Variants in BMP6 observed in about 807,000 individuals in gnomAD.
BMP6 encodes the protein VG-1-R.
BMP6 carries 17 observed loss-of-function variants against 54.1 expected under a neutral mutation model. The observed-to-expected ratio is 0.31, with a 90% confidence interval of 0.22 to 0.47. BMP6 has a LOEUF of 0.47. Among genes scored for constraint, BMP6 ranks in the 20% least tolerant of loss-of-function variants. BMP6 has a pLI of 1.00. For synonymous variants in BMP6, 328 were observed against 291.2 expected (o/e 1.13, Z -1.28); for missense variants, 720 against 690.4 (o/e 1.04, Z -0.48).
At chr6:7,761,920 C>T (rs1010182862) in intron 1 of BMP6, among the ~76,000 whole-genome samples, 11 of 151,996 alleles carry the variant, frequency 7.2e-5, no homozygotes, top group African/African-American at 1.4e-4. Context: ...TTTTTTGAGA[C>T]GGAGTCTGAC....
At position 7,754,712 on chromosome 6, in the gene BMP6, TTTG is replaced by T. The variant is rs372460464; in HGVS notation, c.664+27105_664+27107del. Among the ~76,000 whole-genome samples, 7 of 152,238 alleles carry T rather than the reference TTTG, an allele frequency of 4.6e-5. No homozygotes were observed. The East Asian group carries it at 7.7e-4, about 17-fold the overall frequency. The stretch of plus-strand genomic sequence containing the variant: ...CACACGGCATAATGTTCTAACCTTT[TTTG>T]TTGTTGTTGTTTGTTTGTTTGAGAC... On this transcript the variant is annotated intron_variant, in intron 1 of 6. Coordinates refer to ENST00000283147, the MANE Select transcript of BMP6 (RefSeq NM_001718.6).
In BMP6 at chr6:7,804,607, C is replaced by G. The variant is rs114119823; in HGVS notation, c.665-40533C>G. On this transcript the variant is annotated intron_variant, in intron 1 of 6. Transcript: ENST00000283147. ...TGGGTAATGCTGGAAGTCTTTTTCT[C>G]TTTCCCTATGAATGGAAAATTCATT... Among the ~76,000 whole-genome samples, 1,091 of 152,274 alleles carry G rather than the reference C, an allele frequency of 7.2e-3. 22 individuals are homozygous for G. Among genetic ancestry groups the G allele is most frequent in the African/African-American group, 0.025 (1,051 of 41,538 alleles).
At chr6:7,745,400 A>G (rs1757331795) in intron 1 of BMP6, among the ~76,000 whole-genome samples, 1 of 152,142 alleles carries the variant, frequency 6.6e-6, no homozygotes, top group Non-Finnish European at 1.5e-5. Flanking sequence ...TAGCCTCCTG[A>G]GTAGCTGGGG....
intron 1 of BMP6, among the ~76,000 whole-genome samples, chr6:7,735,968 GGAAA>G (rs1761950284): frequency 6.6e-6 from 1 of 152,136 alleles, no homozygotes; most frequent in South Asian, 2.1e-4. Flanking sequence ...CAGAGTTCGG[GGAAA>G]GAATTATAAA....
At position 7,727,453 on chromosome 6, in the gene BMP6, C is replaced by T; in HGVS notation, c.498C>T (p.Ala166=). The T allele has an allele frequency of 1.3e-6, 2 of 1,599,080 alleles. No individual in the cohort carries two copies. Among genetic ancestry groups the T allele is most frequent in the East Asian group, 2.2e-5 (1 of 44,520 alleles). The part of the protein sequence containing the change: ...ERQQSWPHEA[A]SSSQRRQPPP... ...AGCAGTCCTGGCCCCACGAAGCAGCCAGCTCGTCCCAGCGTCGGCAGCCGC... is the reference window on the plus strand; with the variant it reads ...AGCAGTCCTGGCCCCACGAAGCAGCTAGCTCGTCCCAGCGTCGGCAGCCGC... Residue 166 remains alanine, a synonymous_variant, in exon 1 of 7, where the codon GCC becomes GCT. Transcript: ENST00000283147.
intron 1 of BMP6, among the ~76,000 whole-genome samples, chr6:7,771,906 A>AG (rs1757794590): frequency 6.6e-6 from 1 of 152,060 alleles, no homozygotes; most frequent in African/African-American, 2.4e-5. Flanking sequence ...TACAAAAATT[A>AG]GCCAGGCGTG....
intron 1 of BMP6, among the ~76,000 whole-genome samples, chr6:7,729,906 C>T (rs1337909074): frequency 6.6e-6 from 1 of 152,136 alleles, no homozygotes; most frequent in Non-Finnish European, 1.5e-5. Context: ...GATCTCCCAA[C>T]GTTGCCCAGG....
At chr6:7,853,544 T>A (rs951026662) in intron 2 of BMP6, among the ~76,000 whole-genome samples, 4 of 152,130 alleles carry the variant, frequency 2.6e-5, no homozygotes, top group African/African-American at 9.7e-5. Flanking sequence ...CTGAGACGGG[T>A]TTCTTTTTTG....
intron 1 of BMP6, among the ~76,000 whole-genome samples, chr6:7,752,444 A>G (rs1046427842): frequency 2.0e-5 from 3 of 152,164 alleles, no homozygotes; most frequent in Non-Finnish European, 4.4e-5. Flanking sequence ...AGTCTATCTA[A>G]TGCCATTCAA....
intron 4 of BMP6, among the ~76,000 whole-genome samples, chr6:7,863,865 A>G (rs1217031629): frequency 6.6e-6 from 1 of 152,116 alleles, no homozygotes; most frequent in Non-Finnish European, 1.5e-5. Flanking sequence ...CTAAAAATAC[A>G]AAAAATTAGC....
chr6:7,795,485 G>A (rs1324873995), intron 1 of BMP6, among the ~76,000 whole-genome samples: 3 of 152,286 alleles, frequency 2.0e-5, no homozygotes, highest in Non-Finnish European at 4.4e-5. Context: ...GATGTGGCTG[G>A]ACAGAGAGGC....
chr6:7,737,110 C>T (rs1295731047), intron 1 of BMP6, among the ~76,000 whole-genome samples: 3 of 151,768 alleles, frequency 2.0e-5, no homozygotes, highest in South Asian at 4.2e-4. Context: ...CGCTTGAACC[C>T]GGGAGGCAGA....
chr6:7,795,033 C>CCAGTT, intron 1 of BMP6, among the ~76,000 whole-genome samples: 1 of 152,196 alleles, frequency 6.6e-6, no homozygotes, highest in South Asian at 2.1e-4. Context: ...TTATGTTTTT[C>CCAGTT]CAGTTTATTA....
intron 3 of BMP6, among the ~76,000 whole-genome samples, chr6:7,861,967 A>C (rs1267746523): frequency 6.6e-6 from 1 of 152,202 alleles, no homozygotes; most frequent in Non-Finnish European, 1.5e-5. Context: ...CTCCTCCTGC[A>C]GCATCAGAGC....
chr6:7,737,114 A>G (rs1003206229), intron 1 of BMP6, among the ~76,000 whole-genome samples: 5 of 151,588 alleles, frequency 3.3e-5, no homozygotes, highest in Non-Finnish European at 7.4e-5. Flanking sequence ...TGAACCCGGG[A>G]GGCAGAGATT....
intron 1 of BMP6, among the ~76,000 whole-genome samples, chr6:7,747,092 C>A (rs559651860): frequency 6.6e-6 from 1 of 152,154 alleles, no homozygotes; most frequent in Non-Finnish European, 1.5e-5. Context: ...GAGGACAATC[C>A]GCAAAACTTC....
intron 1 of BMP6, among the ~76,000 whole-genome samples, chr6:7,776,614 T>C (rs1163358512): frequency 2.0e-5 from 3 of 152,208 alleles, no homozygotes; most frequent in African/African-American, 7.2e-5. Flanking sequence ...ACTTTACTAT[T>C]GGTAGTTGTC....
chr6:7,734,304 A>C (rs1382134117), intron 1 of BMP6, among the ~76,000 whole-genome samples: 1 of 152,212 alleles, frequency 6.6e-6, no homozygotes, highest in Non-Finnish European at 1.5e-5. Context: ...GTTCTCGCAT[A>C]TCATCTAATC....
intron 1 of BMP6, among the ~76,000 whole-genome samples, chr6:7,819,722 A>G (rs868277599): frequency 6.6e-6 from 1 of 152,204 alleles, no homozygotes; most frequent in Non-Finnish European, 1.5e-5. Flanking sequence ...CTCGGCATGT[A>G]AGTGAAGATG....
Sources: gnomAD v4.1 joint callset for allele counts (sites outside exome capture counted in the v4.1 genomes callset) on GRCh38, gnomAD v4.1.1 for gene constraint, MANE v1.5 for transcripts, NCBI Gene and HGNC (gene_info 2026-07-23, HGNC 2026-07-21) for gene names.